BAZ2B: variants seen among roughly 807,000 people sequenced by gnomAD.
The protein encoded by BAZ2B is bromodomain adjacent to zinc finger domain 2B, also known as bromodomain adjacent to zinc finger domain protein 2B.
BAZ2B carries 91 observed loss-of-function variants against 246.0 expected under a neutral mutation model. The observed-to-expected ratio is 0.37, with a 90% CI of 0.31 to 0.44. The LOEUF is 0.44. Ranked by LOEUF, BAZ2B falls within the 20% of genes least tolerant of loss-of-function variation. The probability of loss-of-function intolerance (pLI) is 1.00; values close to 1 mark genes in which losing one functional copy is unlikely to be tolerated. For synonymous variants in BAZ2B, 855 were observed against 860.0 expected, an observed-to-expected ratio of 0.99 and a Z score of 0.10; for missense variants, 2,332 against 2,533.7, an observed-to-expected ratio of 0.92 and a Z score of 1.71.
chr2:159,699,315 A>G, the BAZ2B span, among the ~76,000 whole-genome samples: 1 of 152,154 alleles, frequency 6.6e-6, no homozygotes, highest in Non-Finnish European at 1.5e-5. Context: ...GGCCAAGATG[A>G]GAGGATTGCT....
intron 36 of BAZ2B, among the ~76,000 whole-genome samples, chr2:159,324,139 A>G (rs76619124): frequency 0.039 from 5,925 of 150,664 alleles, 202 homozygotes; most frequent in East Asian, 0.14. Flanking sequence ...AGGAAGAACT[A>G]AATAATATAC....
At chr2:159,478,338 TAAAAC>T (rs1369563461) in intron 3 of BAZ2B, among the ~76,000 whole-genome samples, 1 of 152,104 alleles carries the variant, frequency 6.6e-6, no homozygotes, top group Non-Finnish European at 1.5e-5. Context: ...ATTAAAATGA[TAAAAC>T]AAATTAAGAT....
chr2:159,603,860 T>C (rs907030799), intron 1 of BAZ2B, among the ~76,000 whole-genome samples: 2 of 152,196 alleles, frequency 1.3e-5, no homozygotes, highest in Non-Finnish European at 1.5e-5. Context: ...CTCCTGTCAT[T>C]TTCATCTTTT....
At chr2:159,592,579 AC>A (rs1017682669) in intron 1 of BAZ2B, among the ~76,000 whole-genome samples, 1 of 152,162 alleles carries the variant, frequency 6.6e-6, no homozygotes, top group African/African-American at 2.4e-5. Flanking sequence ...CTCAACTCTC[AC>A]CCACTCACTT....
intron 3 of BAZ2B, among the ~76,000 whole-genome samples, chr2:159,468,723 T>C (rs530275947): frequency 1.3e-4 from 20 of 152,188 alleles, no homozygotes; most frequent in Non-Finnish European, 2.5e-4. Context: ...ACAAAGGTGC[T>C]AGATAAACGA....
chr2:159,472,523 T>G (rs974673846), intron 3 of BAZ2B, among the ~76,000 whole-genome samples: 1 of 152,242 alleles, frequency 6.6e-6, no homozygotes, highest in Non-Finnish European at 1.5e-5. Flanking sequence ...AATACTATTT[T>G]GAATAGGAGT....
At chr2:159,710,503 C>G in the BAZ2B span, among the ~76,000 whole-genome samples, 1 of 152,084 alleles carries the variant, frequency 6.6e-6, no homozygotes, top group East Asian at 1.9e-4. Context: ...CCACGGCGCC[C>G]GGCTGCAAAA....
At chr2:159,495,569 C>A in intron 2 of BAZ2B, among the ~76,000 whole-genome samples, 1 of 143,994 alleles carries the variant, frequency 6.9e-6, no homozygotes. Context: ...TCTTAGAATC[C>A]AATATTAATT....
At chr2:159,479,372 TTGCAATAACTAA>T (rs2150935498) in intron 2 of BAZ2B, among the ~76,000 whole-genome samples, 1 of 152,320 alleles carries the variant, frequency 6.6e-6, no homozygotes, top group African/African-American at 2.4e-5. Context: ...ATTGGTTTTA[TTGCAATAACTAA>T]TGCTGATATT....
intron 21 of BAZ2B, among the ~76,000 whole-genome samples, chr2:159,388,885 A>G (rs2062964549): frequency 6.6e-6 from 1 of 151,954 alleles, no homozygotes; most frequent in Admixed American, 6.6e-5. Context: ...AGGACAACAT[A>G]AGAGTCTGCC....
intron 30 of BAZ2B, 134 bp downstream of exon 30, chr2:159,348,544 T>C (rs944691875): frequency 3.9e-5 from 41 of 1,044,892 alleles, no homozygotes; most frequent in Non-Finnish European, 5.0e-5. Flanking sequence ...CTGTTTGATC[T>C]GCGATTGGTT....
At chr2:159,515,898 G>A (rs2083390850) in intron 2 of BAZ2B, among the ~76,000 whole-genome samples, 1 of 151,996 alleles carries the variant, frequency 6.6e-6, no homozygotes, top group Admixed American at 6.6e-5. Context: ...TAAAATTAGA[G>A]TTTATCCAAA....
intron 4 of BAZ2B, among the ~76,000 whole-genome samples, chr2:159,453,101 G>GA (rs1553630086): frequency 6.6e-6 from 1 of 151,764 alleles, no homozygotes; most frequent in Non-Finnish European, 1.5e-5. Flanking sequence ...TTTCGTTTCA[G>GA]AAAACAAAAC....
At chr2:159,449,161 T>C (rs2074678719) in intron 4 of BAZ2B, among the ~76,000 whole-genome samples, 1 of 152,144 alleles carries the variant, frequency 6.6e-6, no homozygotes. Flanking sequence ...AATCATTCAA[T>C]AAAAGGTAAA....
In BAZ2B at chr2:159,432,775, ATTCATCATC is replaced by A. The variant is rs1291237838; in HGVS notation, c.1873_1881del (p.Asp625_Glu627del). 7 of 1,612,224 alleles carry A rather than the reference ATTCATCATC, an allele frequency of 4.3e-6. No homozygotes were observed. The highest frequency in any genetic ancestry group is 4.0e-5 in the African/African-American group (3 of 74,882). On this transcript the variant is annotated inframe_deletion, in exon 9 of 37. Transcript: ENST00000392783. The stretch of plus-strand genomic sequence containing the variant: ...AAATAACCTGATTGGCTGTCATCAG[ATTCATCATC>A]TTCATCATCTTCCTCATCTTCTTCT...
chr2:159,508,774 T>C (rs955948587), intron 2 of BAZ2B, among the ~76,000 whole-genome samples: 2 of 152,308 alleles, frequency 1.3e-5, no homozygotes, highest in African/African-American at 2.4e-5. Context: ...CTCTCCGATG[T>C]CCTAAATAAT....
chr2:159,707,063 G>T, the BAZ2B span, among the ~76,000 whole-genome samples: 1 of 152,102 alleles, frequency 6.6e-6, no homozygotes, highest in African/African-American at 2.4e-5. Flanking sequence ...TTCACAGACA[G>T]ATAATGTATT....
intron 13 of BAZ2B, among the ~76,000 whole-genome samples, chr2:159,421,300 A>G (rs1342853960): frequency 6.6e-6 from 1 of 151,832 alleles, no homozygotes; most frequent in African/African-American, 2.4e-5. Flanking sequence ...TCAGCCTCCC[A>G]GGGAGGTGGG....
At chr2:159,428,530 C>A in intron 11 of BAZ2B, 111 bp from the exon 12 acceptor site, 1 of 686,834 alleles carries the variant, frequency 1.5e-6, no homozygotes, top group Non-Finnish European at 2.3e-6. Flanking sequence ...AAAATGAAAA[C>A]AAAAATAAAC....
Sources: gnomAD v4.1 joint callset for allele counts (sites outside exome capture counted in the v4.1 genomes callset) on GRCh38, gnomAD v4.1.1 for gene constraint, MANE v1.5 for transcripts, NCBI Gene and HGNC (gene_info 2026-07-23, HGNC 2026-07-21) for gene names.